ANKRD30B: variants seen among roughly 807,000 people sequenced by gnomAD.
The protein encoded by ANKRD30B is ankyrin repeat domain 30B, also known as ankyrin repeat domain-containing protein 30B.
A neutral mutation model predicts 202.2 loss-of-function variants in ANKRD30B; 144 were observed. The observed-to-expected ratio is 0.71, with a 90% CI of 0.62 to 0.82. ANKRD30B has a LOEUF of 0.82. Ranked by LOEUF, ANKRD30B falls within the 40% of genes least tolerant of loss-of-function variation. The pLI, the probability that ANKRD30B is intolerant of heterozygous loss-of-function variation, is 0.00. For synonymous variants in ANKRD30B, 508 were observed against 561.3 expected (o/e 0.91, Z 1.34); for missense variants, 1,487 against 1,669.1 (o/e 0.89, Z 1.90).
rs1412286310 is a variant in ANKRD30B, at chr18:14,852,258, T to C, written c.4314T>C (p.Tyr1438=). The C allele has an allele frequency of 2.6e-6, 4 of 1,554,442 alleles. No individual in the cohort carries two copies. The highest frequency in any genetic ancestry group is 3.9e-5 in the Admixed American group (2 of 51,154). Residue 1438 remains tyrosine, a synonymous_variant, in exon 42 of 44, where the codon TAT becomes TAC. Coordinates refer to ENST00000690538, the MANE Select transcript of ANKRD30B (RefSeq NM_001367607.2). ...KNRWLRQQLV[Y]AHKKVNKSKV... is the part of the protein sequence containing the mutation. ...GGTGGCTTCGACAGCAATTAGTTTA[T>C]GCACATAAGAAAGTTAACAAAAGCA...
intron 3 of ANKRD30B, among the ~76,000 whole-genome samples, chr18:14,753,524 CTG>C (rs1428366663): frequency 1.3e-5 from 2 of 152,110 alleles, no homozygotes; most frequent in African/African-American, 4.8e-5. Context: ...TCTTTTGCCT[CTG>C]TAAATATTTC....
At chr18:14,783,932 T>G (rs1967913343) in intron 12 of ANKRD30B, among the ~76,000 whole-genome samples, 1 of 152,116 alleles carries the variant, frequency 6.6e-6, no homozygotes, top group South Asian at 2.1e-4. Context: ...TACATTCAGC[T>G]GAACTCTCAT....
At chr18:14,786,232 A>C (rs1968078200) in intron 14 of ANKRD30B, among the ~76,000 whole-genome samples, 1 of 152,148 alleles carries the variant, frequency 6.6e-6, no homozygotes, top group Non-Finnish European at 1.5e-5. Context: ...TATTTTTGGT[A>C]TAAATTCATT....
At chr18:14,894,741 A>G in the ANKRD30B span, among the ~76,000 whole-genome samples, 2 of 151,530 alleles carry the variant, frequency 1.3e-5, no homozygotes, top group African/African-American at 4.9e-5. Flanking sequence ...AATCTTAACC[A>G]TTATATATTT....
chr18:14,773,203 C>T (rs1598597916), intron 9 of ANKRD30B, among the ~76,000 whole-genome samples: 1 of 152,148 alleles, frequency 6.6e-6, no homozygotes, highest in East Asian at 1.9e-4. Flanking sequence ...GTTCAAAGAT[C>T]TTTGATCACA....
At chr18:14,827,808 G>A (rs186187993) in intron 32 of ANKRD30B, among the ~76,000 whole-genome samples, 7 of 152,160 alleles carry the variant, frequency 4.6e-5, no homozygotes, top group African/African-American at 1.7e-4. Flanking sequence ...TTTGGATGAT[G>A]ACTATTGTAC....
chr18:14,860,175 C>T, the ANKRD30B span, among the ~76,000 whole-genome samples: 10 of 145,126 alleles, frequency 6.9e-5, no homozygotes, highest in Middle Eastern at 4.0e-3. Flanking sequence ...CATGCAGAGG[C>T]GCTCCTCACC....
chr18:14,931,339 G>T, the ANKRD30B span, among the ~76,000 whole-genome samples: 70,835 of 152,034 alleles, frequency 0.47, 17,293 homozygotes, highest in Non-Finnish European at 0.54. Context: ...TCTAGAACAA[G>T]GACGAGTATT....
chr18:14,779,374 A>G (rs1474871353), intron 10 of ANKRD30B, among the ~76,000 whole-genome samples: 1 of 152,238 alleles, frequency 6.6e-6, no homozygotes, highest in East Asian at 1.9e-4. Context: ...CATTGTAATT[A>G]AAGCAGCTTT....
chr18:14,858,753 TC>T, downstream of ANKRD30B, among the ~76,000 whole-genome samples: 1 of 141,530 alleles, frequency 7.1e-6, no homozygotes, highest in South Asian at 2.2e-4. Flanking sequence ...GCTCCTCACC[TC>T]CCAGGGGGGG....
chr18:14,925,494 GGGTTTT>G, the ANKRD30B span, among the ~76,000 whole-genome samples: 1 of 152,370 alleles, frequency 6.6e-6, no homozygotes, highest in African/African-American at 2.4e-5. Context: ...CTACAGCCTG[GGGTTTT>G]GGTTTTGGTT....
At chr18:14,755,728 T>A (rs2143662869) in intron 4 of ANKRD30B, among the ~76,000 whole-genome samples, 1 of 152,338 alleles carries the variant, frequency 6.6e-6, no homozygotes, top group African/African-American at 2.4e-5. Context: ...ACAAAGGACA[T>A]GAACTCATCA....
chr18:14,779,187 A>G (rs931438114), intron 10 of ANKRD30B, among the ~76,000 whole-genome samples: 1 of 152,146 alleles, frequency 6.6e-6, no homozygotes, highest in Non-Finnish European at 1.5e-5. Flanking sequence ...ATTTCTGTTA[A>G]ATGAATATAT....
chr18:14,790,896 C>T (rs1568014496), intron 15 of ANKRD30B, among the ~76,000 whole-genome samples: 1 of 152,064 alleles, frequency 6.6e-6, no homozygotes, highest in Non-Finnish European at 1.5e-5. Flanking sequence ...CAGGATGATG[C>T]TGGCCTCATA....
rs528628965 is a variant in ANKRD30B, at chr18:14,806,871, T to C, written c.2285-1680T>C. 1.8e-4 allele frequency among the ~76,000 whole-genome samples: 27 copies of C among 150,954 alleles called. 3 individuals are homozygous for C. The South Asian group carries it at 5.5e-3, about 31-fold the overall frequency. On this transcript the variant is annotated intron_variant, in intron 24 of 43. Coordinates refer to ENST00000690538, the MANE Select transcript of ANKRD30B (RefSeq NM_001367607.2). ...TACCTAAAACAAGCAGATGAATTAATGGTATCATTTCCTATATACGAATTT... is the reference window on the plus strand; with the variant it reads ...TACCTAAAACAAGCAGATGAATTAACGGTATCATTTCCTATATACGAATTT...
chr18:14,810,504 A>G (rs953815635), intron 28 of ANKRD30B, among the ~76,000 whole-genome samples: 2 of 151,206 alleles, frequency 1.3e-5, no homozygotes, highest in East Asian at 1.9e-4. Context: ...CAGTGGTTCA[A>G]ATGCTGACTG....
At chr18:14,934,908 CCACA>C in the ANKRD30B span, among the ~76,000 whole-genome samples, 1,558 of 134,496 alleles carry the variant, frequency 0.012, 20 homozygotes, top group East Asian at 0.026. Flanking sequence ...CCTCCCTCTA[CCACA>C]CACACACACA....
At chr18:14,876,981 G>T in the ANKRD30B span, among the ~76,000 whole-genome samples, 1 of 152,214 alleles carries the variant, frequency 6.6e-6, no homozygotes, top group Non-Finnish European at 1.5e-5. Context: ...TATGGGTCCA[G>T]GAATGCATCA....
chr18:14,837,734 C>T, intron 36 of ANKRD30B, 58 bp downstream of exon 36: 1 of 1,410,518 alleles, frequency 7.1e-7, no homozygotes, highest in Non-Finnish European at 9.5e-7. Flanking sequence ...AATCTTAAAA[C>T]ATAAAAAGAT....
Sources: allele counts gnomAD v4.1 joint callset (sites outside exome capture counted in the v4.1 genomes callset), GRCh38; gene constraint gnomAD v4.1.1; transcripts MANE v1.5; gene names NCBI Gene and HGNC (gene_info 2026-07-23, HGNC 2026-07-21).